The following PAX7 variants were observed in gnomAD, a reference collection of about 807,000 sequenced individuals.
PAX7 encodes the protein paired box 7, also known as paired box protein Pax-7.
Under a neutral mutation model 50.7 loss-of-function variants are expected in PAX7, and 18 were observed. The ratio of observed to expected loss-of-function variants is 0.36; its 90% CI spans 0.25 to 0.53. The LOEUF (loss-of-function observed/expected upper bound fraction) is 0.53. PAX7 is among the 20% of genes least tolerant of loss of function. The pLI is 0.93. For missense variants in PAX7, 644 were observed against 702.9 expected (o/e 0.92, Z 0.95); for synonymous variants, 310 against 290.4 (o/e 1.07, Z -0.69).
chr1:18,678,103 GAAAA>G (rs1046587382), intron 4 of PAX7, among the ~76,000 whole-genome samples: 9 of 143,752 alleles, frequency 6.3e-5, no homozygotes, highest in African/African-American at 2.3e-4. Flanking sequence ...AAAAGAAAAA[GAAAA>G]GAAAGAAAGA....
chr1:18,681,164 TAAAAAAAAAAAAAA>T (rs143668000), intron 4 of PAX7, among the ~76,000 whole-genome samples: 1 of 67,380 alleles, frequency 1.5e-5, no homozygotes, highest in African/African-American at 5.4e-5. Flanking sequence ...CAAAACTCCG[TAAAAAAAAAAAAAA>T]AAAAAAAAAA....
At chr1:18,674,551 C>T (rs999258331) in intron 4 of PAX7, among the ~76,000 whole-genome samples, 1 of 152,200 alleles carries the variant, frequency 6.6e-6, no homozygotes, top group African/African-American at 2.4e-5. Flanking sequence ...GCACAGCCAC[C>T]ATGGCAAGTT....
intron 7 of PAX7, among the ~76,000 whole-genome samples, chr1:18,707,353 T>C (rs1042055357): frequency 6.6e-6 from 1 of 152,046 alleles, no homozygotes; most frequent in Non-Finnish European, 1.5e-5. Context: ...AGAGCCAGGA[T>C]TCAAACCCAT....
At position 18,631,652 on chromosome 1, in the gene PAX7, G is replaced by A; in HGVS notation, c.49G>A (p.Gly17Arg). ...ACCGAGAATGATGCGGCCGGCTCCG[G>A]GGCAGAACTACCCCCGCACGGGATT... ...TVPRMMRPAP[G>R]QNYPRTGFPL... Residue 17 changes from glycine (G) to arginine (R), a missense_variant, in exon 1 of 9, where the codon GGG becomes AGG. By Grantham distance (125) the Gly-to-Arg change is moderately radical. Transcript: ENST00000420770. The A allele has an allele frequency of 6.2e-7, 1 of 1,613,180 alleles. No individual in the cohort carries two copies. The highest frequency in any genetic ancestry group is 8.5e-7 in the Non-Finnish European group (1 of 1,179,896).
rs1196813567 is a variant in PAX7, at chr1:18,746,325, A to G, written c.*1396A>G. 8.7e-6 allele frequency: 2 copies of G among 230,290 alleles called. No homozygotes were observed. Among genetic ancestry groups the G allele is most frequent in the Non-Finnish European group, 1.7e-5 (2 of 116,244 alleles). 14.3% of individuals were successfully genotyped at this position (230,290 alleles called of 1,614,324 possible). A position where few individuals can be genotyped will look rare whatever the true frequency, so the allele number is the denominator to read the frequency against. On this transcript the variant is annotated 3_prime_UTR_variant, in exon 9 of 9. Coordinates refer to ENST00000420770, the MANE Select transcript of PAX7 (RefSeq NM_001135254.2). ...CAGCCCTGGGCAGAGGAAGATGTCA[A>G]CAATTCCAGAGCAGAGGGAAGAGGC...
Position 18,703,315 on chromosome 1 carries a change from GCA to G in PAX7, c.1155+21_1155+22del. The G allele has an allele frequency of 1.2e-6, 2 of 1,609,102 alleles. No individual in the cohort carries two copies. Among genetic ancestry groups the G allele is most frequent in the Non-Finnish European group, 1.7e-6 (2 of 1,177,076 alleles). ...TCCTCAGGTAGGTGGTCTCAGCCCA[GCA>G]CCCAGGATCCCACCGCCACGAAAGT... On this transcript the variant is annotated intron_variant, in intron 7 of 8. Coordinates refer to ENST00000420770, the MANE Select transcript of PAX7 (RefSeq NM_001135254.2).
intron 8 of PAX7, among the ~76,000 whole-genome samples, chr1:18,736,963 C>T (rs1478556335): frequency 6.6e-6 from 1 of 152,264 alleles, no homozygotes; most frequent in Non-Finnish European, 1.5e-5. Context: ...CATGGGAAAG[C>T]TGTGTTTCCA....
intron 4 of PAX7, among the ~76,000 whole-genome samples, chr1:18,645,212 C>T (rs576968338): frequency 6.6e-6 from 1 of 152,288 alleles, no homozygotes; most frequent in African/African-American, 2.4e-5. Context: ...GCAGCCAGCC[C>T]CCAAGCTGAC....
At position 18,634,614 on chromosome 1, in the gene PAX7, C is replaced by T; in HGVS notation, c.321+76C>T. On this transcript the variant is annotated intron_variant, in intron 2 of 8. Coordinates refer to ENST00000420770, the MANE Select transcript of PAX7 (RefSeq NM_001135254.2). This position sits in a 1 kb window ranked among gnomAD's most constrained non-coding sequence, Gnocchi z 4.0. ...CTCCTGGTTGTGGCCCCTCTTACTA[C>T]CTCGTGGCACCAGGCTGTAGGAAAG... 1 of 1,176,560 alleles carries T rather than the reference C, an allele frequency of 8.5e-7. No individual in the cohort carries two copies. Among genetic ancestry groups the T allele is most frequent in the Non-Finnish European group, 1.2e-6 (1 of 804,470 alleles). The allele number at this position is 1,176,560 out of a possible 1,614,324, so 72.9% of individuals were successfully genotyped here.
At chr1:18,656,202 T>C (rs900496632) in intron 4 of PAX7, among the ~76,000 whole-genome samples, 1 of 152,190 alleles carries the variant, frequency 6.6e-6, no homozygotes, top group Non-Finnish European at 1.5e-5. Flanking sequence ...ATCTAAAATG[T>C]AAGAGGCAAG....
At chr1:18,649,265 T>A (rs1489425767) in intron 4 of PAX7, among the ~76,000 whole-genome samples, 1 of 152,088 alleles carries the variant, frequency 6.6e-6, no homozygotes, top group Admixed American at 6.5e-5. Context: ...TAGGAAGGCA[T>A]GGGATAAGGA....
chr1:18,682,719 G>A (rs532867447), intron 4 of PAX7, among the ~76,000 whole-genome samples: 112 of 152,294 alleles, frequency 7.4e-4, no homozygotes, highest in Admixed American at 2.5e-3. Context: ...GGAGATAATG[G>A]ACTCCCCAGA....
intron 4 of PAX7, among the ~76,000 whole-genome samples, chr1:18,641,962 C>A (rs552948023): frequency 6.6e-6 from 1 of 151,522 alleles, no homozygotes; most frequent in Non-Finnish European, 1.5e-5. Flanking sequence ...CTCCCCCCCC[C>A]CAACTCCCGC....
At chr1:18,682,967 A>G (rs918848470) in intron 4 of PAX7, among the ~76,000 whole-genome samples, 7 of 152,150 alleles carry the variant, frequency 4.6e-5, no homozygotes, top group Non-Finnish European at 1.0e-4. Flanking sequence ...TGGGTGGGGC[A>G]GGGCACCTGG....
At chr1:18,696,065 CTTT>C (rs386366372) in intron 5 of PAX7, among the ~76,000 whole-genome samples, 31 of 128,880 alleles carry the variant, frequency 2.4e-4, no homozygotes, top group East Asian at 4.6e-4. Context: ...CATTTCTTTT[CTTT>C]TTTTTTTTTT....
intron 7 of PAX7, among the ~76,000 whole-genome samples, chr1:18,733,129 G>T (rs1433410267): frequency 1.4e-5 from 2 of 138,558 alleles, no homozygotes; most frequent in Non-Finnish European, 3.2e-5. Flanking sequence ...TCCTGAGTCT[G>T]CCCTGGGACC....
At chr1:18,701,757 T>G (rs2089224843) in intron 6 of PAX7, among the ~76,000 whole-genome samples, 1 of 152,148 alleles carries the variant, frequency 6.6e-6, no homozygotes, top group Non-Finnish European at 1.5e-5. Context: ...CAGGTCCTCC[T>G]GGGAAGGAGG....
chr1:18,637,698 C>G (rs1351896746), intron 4 of PAX7, among the ~76,000 whole-genome samples: 2 of 152,256 alleles, frequency 1.3e-5, no homozygotes, highest in Non-Finnish European at 2.9e-5. Context: ...GCCCAGCCCC[C>G]ACAGGCGTGG....
intron 4 of PAX7, among the ~76,000 whole-genome samples, chr1:18,658,403 CCCGTTT>C (rs2088555331): frequency 6.6e-6 from 1 of 152,182 alleles, no homozygotes; most frequent in South Asian, 2.1e-4. Flanking sequence ...TAATAATCAC[CCCGTTT>C]CCGAACACTT....
Sources: allele counts gnomAD v4.1 joint callset (sites outside exome capture counted in the v4.1 genomes callset), GRCh38; gene constraint gnomAD v4.1.1; non-coding constraint Gnocchi (gnomAD v3.1); transcripts MANE v1.5; gene names NCBI Gene and HGNC (gene_info 2026-07-23, HGNC 2026-07-21).